Variants in PCDHA13 observed in about 807,000 individuals in gnomAD.
The protein encoded by PCDHA13 is protocadherin alpha 13, also known as protocadherin alpha-13.
A neutral mutation model predicts 64.8 loss-of-function variants in PCDHA13; 54 were observed. The ratio of observed to expected loss-of-function variants is 0.83; its 90% CI spans 0.67 to 1.04. PCDHA13 has a LOEUF of 1.04. Among genes scored for constraint, PCDHA13 ranks in the 50% least tolerant of loss-of-function variants. The probability of loss-of-function intolerance (pLI) is 0.00; values close to 1 mark genes in which losing one functional copy is unlikely to be tolerated. For missense variants in PCDHA13, 1,248 were observed against 1,254.3 expected (o/e 0.99, Z 0.08); for synonymous variants, 587 against 564.4 (o/e 1.04, Z -0.57).
intron 1 of PCDHA13, among the ~76,000 whole-genome samples, chr5:140,888,523 T>C (rs1316582829): frequency 6.6e-6 from 1 of 152,244 alleles, no homozygotes; most frequent in African/African-American, 2.4e-5. Flanking sequence ...AGTTCTGACG[T>C]GAAGTTAAGT....
intron 1 of PCDHA13, among the ~76,000 whole-genome samples, chr5:140,931,040 A>G (rs2087258988): frequency 6.6e-6 from 1 of 152,242 alleles, no homozygotes; most frequent in South Asian, 2.1e-4. Flanking sequence ...GCTAGCAAGA[A>G]AAACTTCAAT....
intron 1 of PCDHA13, chr5:140,929,479 A>G (rs2086187931): frequency 4.2e-6 from 5 of 1,193,216 alleles, no homozygotes; most frequent in Admixed American, 3.2e-5. Context: ...CTGGAAGTAT[A>G]GAAGTATTAG....
intron 1 of PCDHA13, among the ~76,000 whole-genome samples, chr5:140,896,874 A>G (rs1009285499): frequency 1.3e-5 from 2 of 152,102 alleles, no homozygotes; most frequent in Non-Finnish European, 2.9e-5. Flanking sequence ...GTACATATTT[A>G]TGGGGTATAT....
intron 1 of PCDHA13, among the ~76,000 whole-genome samples, chr5:140,897,735 C>G (rs2066294879): frequency 6.6e-6 from 1 of 152,160 alleles, no homozygotes; most frequent in Non-Finnish European, 1.5e-5. Flanking sequence ...AATAGTATTT[C>G]TAGTTCTAGA....
chr5:140,910,608 C>A (rs1161072744), intron 1 of PCDHA13, among the ~76,000 whole-genome samples: 3 of 152,208 alleles, frequency 2.0e-5, no homozygotes, highest in Non-Finnish European at 2.9e-5. Context: ...TCTAAACTGA[C>A]TAATCCACTC....
intron 1 of PCDHA13, among the ~76,000 whole-genome samples, chr5:140,899,678 G>C (rs1554188694): frequency 6.6e-6 from 1 of 152,210 alleles, no homozygotes; most frequent in Non-Finnish European, 1.5e-5. Flanking sequence ...TTGGTATCAG[G>C]ATGATGCTGG....
chr5:140,993,266 T>G (rs1049781348), intron 3 of PCDHA13, among the ~76,000 whole-genome samples: 1 of 152,182 alleles, frequency 6.6e-6, no homozygotes, highest in Non-Finnish European at 1.5e-5. Flanking sequence ...AATTAGCTTC[T>G]TTGGTCTTTT....
At chr5:140,968,965 C>T in intron 1 of PCDHA13, 1 of 1,614,208 alleles carries the variant, frequency 6.2e-7, no homozygotes, top group Non-Finnish European at 8.5e-7. Context: ...AGTGCTACCG[C>T]TACACTGCGT....
chr5:140,988,332 A>G (rs2097293198), intron 3 of PCDHA13, among the ~76,000 whole-genome samples: 1 of 152,230 alleles, frequency 6.6e-6, no homozygotes, highest in Non-Finnish European at 1.5e-5. Context: ...ACCCGAGGAA[A>G]GTAAGTCCTT....
At chr5:141,007,878 C>G (rs1316002060) in intron 3 of PCDHA13, among the ~76,000 whole-genome samples, 5 of 152,212 alleles carry the variant, frequency 3.3e-5, no homozygotes, top group African/African-American at 7.2e-5. Flanking sequence ...TTGTCTTACA[C>G]TTCTTTAAAA....
At chr5:140,902,400 C>T (rs2069421777) in intron 1 of PCDHA13, among the ~76,000 whole-genome samples, 1 of 151,930 alleles carries the variant, frequency 6.6e-6, no homozygotes, top group South Asian at 2.1e-4. Flanking sequence ...ATGTTGAATA[C>T]TATGTTGAAT....
At chr5:141,009,150 G>T (rs1588228136) in intron 3 of PCDHA13, among the ~76,000 whole-genome samples, 1 of 152,300 alleles carries the variant, frequency 6.6e-6, no homozygotes, top group African/African-American at 2.4e-5. Context: ...CTGCCCTCTT[G>T]CTTGTCTGTA....
intron 3 of PCDHA13, among the ~76,000 whole-genome samples, chr5:140,986,934 C>T (rs1379562819): frequency 6.6e-6 from 1 of 152,160 alleles, no homozygotes; most frequent in East Asian, 1.9e-4. Flanking sequence ...AGGATGGAGG[C>T]TGGGTGTGGT....
In PCDHA13 at chr5:140,911,678, G is replaced by A. The variant is rs551063911; in HGVS notation, c.2394+27016G>A. ...CTAAACTCCTTGCCTCTCACGAACCGTGCATCAGGAGTGTCAAATGAATTT... is the reference window on the plus strand; with the variant it reads ...CTAAACTCCTTGCCTCTCACGAACCATGCATCAGGAGTGTCAAATGAATTT... On this transcript the variant is annotated intron_variant, in intron 1 of 3. Coordinates refer to ENST00000289272, the MANE Select transcript of PCDHA13 (RefSeq NM_018904.3). Among the ~76,000 whole-genome samples the A allele has an allele frequency of 7.9e-5, 12 of 152,234 alleles. No homozygotes were observed. The South Asian group carries it at 1.2e-3, about 16-fold the overall frequency.
chr5:140,899,544 T>A (rs925092249), intron 1 of PCDHA13, among the ~76,000 whole-genome samples: 11 of 152,202 alleles, frequency 7.2e-5, no homozygotes, highest in Non-Finnish European at 1.5e-5. Context: ...TTGATCATGG[T>A]GGATAAGCTT....
At chr5:140,930,711 C>G (rs10214249) in intron 1 of PCDHA13, among the ~76,000 whole-genome samples, 2,020 of 152,280 alleles carry the variant, frequency 0.013, 38 homozygotes, top group African/African-American at 0.046. Flanking sequence ...TATTCTTCCT[C>G]AAGTAATGAT....
chr5:141,004,768 A>G (rs2098180289), intron 3 of PCDHA13, among the ~76,000 whole-genome samples: 1 of 152,160 alleles, frequency 6.6e-6, no homozygotes, highest in Non-Finnish European at 1.5e-5. Flanking sequence ...CAGGACCTGT[A>G]TTTTAAAGGT....
intron 1 of PCDHA13, among the ~76,000 whole-genome samples, chr5:140,896,652 C>T (rs1393897195): frequency 2.6e-5 from 4 of 152,018 alleles, no homozygotes; most frequent in African/African-American, 9.7e-5. Flanking sequence ...GCTAGTATTA[C>T]AGGCATGAGT....
At chr5:140,968,044 A>C (rs959631573) in intron 1 of PCDHA13, 2 of 1,614,142 alleles carry the variant, frequency 1.2e-6, no homozygotes, top group Non-Finnish European at 1.7e-6. Context: ...TGAGCGGCCC[A>C]CTGGACCGAG....
Sources: gnomAD v4.1 joint callset for allele counts (sites outside exome capture counted in the v4.1 genomes callset) on GRCh38, gnomAD v4.1.1 for gene constraint, MANE v1.5 for transcripts, NCBI Gene and HGNC (gene_info 2026-07-23, HGNC 2026-07-21) for gene names.